Variants in CELF2 observed in about 807,000 individuals in gnomAD.
CELF2 encodes CUG triplet repeat RNA-binding protein 2.
CELF2 carries 8 observed loss-of-function variants against 62.6 expected under a neutral mutation model. The ratio of observed to expected loss-of-function variants is 0.13; its 90% CI spans 0.07 to 0.23. The LOEUF is 0.23. Ranked by LOEUF, CELF2 falls within the 10% of genes least tolerant of loss-of-function variation. CELF2 has a pLI of 1.00. For missense variants in CELF2, 333 were observed against 671.0 expected (o/e 0.50, Z 5.56); for synonymous variants, 258 against 250.0 (o/e 1.03, Z -0.30).
chr10:11,248,413 C>A (rs1471022543), intron 3 of CELF2, among the ~76,000 whole-genome samples: 1 of 152,010 alleles, frequency 6.6e-6, no homozygotes, highest in Non-Finnish European at 1.5e-5. Flanking sequence ...AAGGTGTCTC[C>A]CTCCCTTCCA....
At position 11,217,411 on chromosome 10, in the gene CELF2, A is replaced by G. The variant is rs746910780; in HGVS notation, c.272-14A>G. ...TCACAGAAATTTCTAAAACCTTTTC[A>G]TTTCTCTCTGTAGGTTGTTGTTTCG... On this transcript the variant is annotated splice_polypyrimidine_tract_variant and intron_variant, in intron 2 of 12. Coordinates refer to ENST00000633077, the MANE Select transcript of CELF2 (RefSeq NM_001326342.2). This position sits in a 1 kb window ranked among gnomAD's most constrained non-coding sequence, Gnocchi z 5.6. 7.5e-6 allele frequency: 12 copies of G among 1,600,548 alleles called. No homozygotes were observed. The Admixed American group carries it at 1.7e-4, about 23-fold the overall frequency.
At position 11,296,975 on chromosome 10, in the gene CELF2, C is replaced by T. The variant is rs1590945638; in HGVS notation, c.976+8423C>T. On this transcript the variant is annotated intron_variant, in intron 9 of 12. Transcript: ENST00000633077. The surrounding 1 kb of genome is among the most constrained non-coding windows in gnomAD (Gnocchi z 5.0). ...GATGCCCACCGGGGACCCTGAGAGCCGGGGCTCAGGAGCTGGGACTTTTCC... is the reference window on the plus strand; with the variant it reads ...GATGCCCACCGGGGACCCTGAGAGCTGGGGCTCAGGAGCTGGGACTTTTCC... 6.6e-6 allele frequency among the ~76,000 whole-genome samples: 1 copy of T among 152,166 alleles called. No homozygotes were observed. Among genetic ancestry groups the T allele is most frequent in the Non-Finnish European group, 1.5e-5 (1 of 68,032 alleles).
the CELF2 span, among the ~76,000 whole-genome samples, chr10:10,531,371 A>G: frequency 1.3e-5 from 2 of 152,258 alleles, no homozygotes; most frequent in Non-Finnish European, 2.9e-5. Context: ...CTCTAAAACA[A>G]AATTGAGTAA....
intron 1 of CELF2, among the ~76,000 whole-genome samples, chr10:10,889,144 C>T (rs992699020): frequency 6.6e-6 from 1 of 152,190 alleles, no homozygotes; most frequent in Non-Finnish European, 1.5e-5. Context: ...TTAAAATCCT[C>T]TAATATAAAA....
In CELF2 at chr10:11,310,849, T is replaced by A. The variant is rs187016537; in HGVS notation, c.977-3290T>A. On this transcript the variant is annotated intron_variant, in intron 9 of 12. Transcript: ENST00000633077. ...CCCTAAAATGTATAGTAAGATTTTT[T>A]AAAATATTTTTAATGACATCAATAA... Among the ~76,000 whole-genome samples the A allele has an allele frequency of 1.6e-4, 25 of 151,774 alleles. No homozygotes were observed. The South Asian group carries it at 2.5e-3, about 15-fold the overall frequency.
rs369791162 is a variant in CELF2, at chr10:11,058,457, G to GT, written c.74+40296dup. On this transcript the variant is annotated intron_variant, in intron 1 of 12. Coordinates refer to ENST00000633077, the MANE Select transcript of CELF2 (RefSeq NM_001326342.2). Reference sequence around the variant, plus strand: ...AGGTGAGGTACTGTTGGTTTTTTTTGTTGGTTTTTTTTTTTTTTTTTTTTT... The same window carrying GT: ...AGGTGAGGTACTGTTGGTTTTTTTTGTTTGGTTTTTTTTTTTTTTTTTTTTT... Among the ~76,000 whole-genome samples the GT allele has an allele frequency of 2.2e-4, 25 of 115,166 alleles. 1 individual carries two copies. The highest frequency in any genetic ancestry group is 6.2e-4 in the African/African-American group (19 of 30,542). 75.6% of individuals were successfully genotyped at this position (115,166 alleles called of 152,430 possible).
the CELF2 span, among the ~76,000 whole-genome samples, chr10:10,663,174 C>G: frequency 6.6e-6 from 1 of 152,178 alleles, no homozygotes; most frequent in South Asian, 2.1e-4. Flanking sequence ...CGTGCAGCAG[C>G]TGCTGTGTAC....
Position 10,995,279 on chromosome 10 carries a change from C to G in CELF2, c.89+75280C>G, listed in dbSNP as rs2053838444. Among the ~76,000 whole-genome samples, 1 of 152,136 alleles carries G rather than the reference C, an allele frequency of 6.6e-6. No homozygotes were observed. The highest frequency in any genetic ancestry group is 2.4e-5 in the African/African-American group (1 of 41,452). On this transcript the variant is annotated intron_variant, in intron 2 of 13. Coordinates refer to the CELF2 transcript ENST00000636488. The surrounding 1 kb of genome is among the most constrained non-coding windows in gnomAD (Gnocchi z 4.7). Reference sequence around the variant, plus strand: ...CATTTTTTATTTTTATTTTTTGAAACTGGGACCATATTATGACATCTTTGT... The same window carrying G: ...CATTTTTTATTTTTATTTTTTGAAAGTGGGACCATATTATGACATCTTTGT...
intron 1 of CELF2, among the ~76,000 whole-genome samples, chr10:11,074,794 C>G (rs928202546): frequency 6.6e-6 from 1 of 152,192 alleles, no homozygotes; most frequent in East Asian, 1.9e-4. Context: ...CTATTCCAAC[C>G]TCTACCTAGG....
At chr10:10,703,790 C>T in the CELF2 span, among the ~76,000 whole-genome samples, 1 of 152,202 alleles carries the variant, frequency 6.6e-6, no homozygotes, top group Admixed American at 6.5e-5. Context: ...TGCACAAAAA[C>T]ATGTAGCATT....
intron 11 of CELF2, 47 bp from the exon 12 acceptor site, chr10:11,325,786 AAAC>A: frequency 6.5e-7 from 1 of 1,537,962 alleles, no homozygotes; most frequent in Non-Finnish European, 8.8e-7. Flanking sequence ...GGGACTTTGG[AAAC>A]TAAGACTCAA....
intron 5 of CELF2, among the ~76,000 whole-genome samples, chr10:11,264,150 A>G (rs1405420636): frequency 6.6e-6 from 1 of 152,214 alleles, no homozygotes; most frequent in African/African-American, 2.4e-5. Flanking sequence ...AGCATCAGTC[A>G]TGTTTTTAAT....
chr10:10,804,202 ATT>A (rs2054965222), intron 1 of CELF2, among the ~76,000 whole-genome samples: 1 of 152,244 alleles, frequency 6.6e-6, no homozygotes, highest in Non-Finnish European at 1.5e-5. Context: ...GATGATGAAT[ATT>A]TCAGGTTTTG....
the CELF2 span, among the ~76,000 whole-genome samples, chr10:10,584,091 C>T: frequency 1.3e-5 from 2 of 152,236 alleles, no homozygotes; most frequent in South Asian, 4.1e-4. Flanking sequence ...TGTGATAACA[C>T]GGTTATCACC....
At chr10:10,777,091 G>A in the CELF2 span, among the ~76,000 whole-genome samples, 1 of 152,098 alleles carries the variant, frequency 6.6e-6, no homozygotes, top group African/African-American at 2.4e-5. Flanking sequence ...GCCCTCTCTT[G>A]TCCATGCACC....
At chr10:11,266,262 A>G (rs2082166807) in intron 5 of CELF2, among the ~76,000 whole-genome samples, 1 of 152,224 alleles carries the variant, frequency 6.6e-6, no homozygotes, top group Non-Finnish European at 1.5e-5. Flanking sequence ...AATGGAAAAT[A>G]GCAACTTTTT....
chr10:10,671,567 T>C, the CELF2 span, among the ~76,000 whole-genome samples: 6 of 152,154 alleles, frequency 3.9e-5, no homozygotes, highest in African/African-American at 1.4e-4. Flanking sequence ...GAATGAGAGT[T>C]CCTGTTACTC....
the CELF2 span, among the ~76,000 whole-genome samples, chr10:10,762,793 G>A: frequency 3.9e-5 from 6 of 152,130 alleles, no homozygotes; most frequent in Non-Finnish European, 7.3e-5. Context: ...TGTAATCCCC[G>A]CACGTTGAGA....
intron 2 of CELF2, among the ~76,000 whole-genome samples, chr10:10,920,569 A>G (rs2064798777): frequency 6.6e-6 from 1 of 152,190 alleles, no homozygotes; most frequent in Non-Finnish European, 1.5e-5. Context: ...TAATTTATCA[A>G]TGTGTTTTAT....
Sources: gnomAD v4.1 joint callset for allele counts (sites outside exome capture counted in the v4.1 genomes callset) on GRCh38, gnomAD v4.1.1 for gene constraint, Gnocchi (gnomAD v3.1) non-coding constraint, MANE v1.5 for transcripts, NCBI Gene and HGNC (gene_info 2026-07-23, HGNC 2026-07-21) for gene names.